NUP98: variants seen among roughly 807,000 people sequenced by gnomAD.
The protein encoded by NUP98 is nuclear pore complex protein Nup98-Nup96.
A neutral mutation model predicts 191.9 loss-of-function variants in NUP98; 26 were observed. The observed-to-expected ratio is 0.14, with a 90% CI of 0.10 to 0.19. The LOEUF is 0.19. NUP98 is among the 10% of genes least tolerant of loss of function. The probability of loss-of-function intolerance (pLI) is 1.00; values close to 1 mark genes in which losing one functional copy is unlikely to be tolerated. For missense variants in NUP98, 1,941 were observed against 2,178.8 expected, an observed-to-expected ratio of 0.89 and a Z score of 2.17; for synonymous variants, 808 against 778.4, an observed-to-expected ratio of 1.04 and a Z score of -0.63.
intron 8 of NUP98, among the ~76,000 whole-genome samples, chr11:3,763,369 G>A (rs1230692261): frequency 6.6e-6 from 1 of 152,106 alleles, no homozygotes; most frequent in East Asian, 1.9e-4. Context: ...TTTAACTCTT[G>A]TGCTCTAAGA....
intron 8 of NUP98, 48 bp from the exon 9 acceptor site, chr11:3,763,087 G>C: frequency 2.6e-6 from 4 of 1,539,818 alleles, no homozygotes; most frequent in Non-Finnish European, 3.5e-6. Context: ...AATAGTTTCC[G>C]TAACGAATCT....
At chr11:3,785,299 TAGC>T (rs1341861979) in intron 1 of NUP98, among the ~76,000 whole-genome samples, 1 of 152,138 alleles carries the variant, frequency 6.6e-6, no homozygotes, top group East Asian at 1.9e-4. Flanking sequence ...TGAAGCTTAG[TAGC>T]AATTCCCTCT....
chr11:3,727,758 G>A (rs895764642), intron 14 of NUP98, among the ~76,000 whole-genome samples: 2 of 152,044 alleles, frequency 1.3e-5, no homozygotes, highest in Admixed American at 6.6e-5. Flanking sequence ...GGACAATGGC[G>A]TGCACTTATA....
At chr11:3,689,940 A>AATTTTTT (rs2078255887) in intron 28 of NUP98, among the ~76,000 whole-genome samples, 1 of 73,574 alleles carries the variant, frequency 1.4e-5, no homozygotes, top group Non-Finnish European at 2.6e-5. Context: ...GCTGGCCTGC[A>AATTTTTT]TTTTTTTTTT....
chr11:3,737,235 T>G lies in NUP98; in HGVS notation c.1409-1911A>C, dbSNP rs535492909. On this transcript the variant is annotated intron_variant, in intron 12 of 32. Coordinates refer to ENST00000324932, the MANE Select transcript of NUP98 (RefSeq NM_016320.5). ...AAGTTACTGCCAAAATATAATACAATAATCCACAGTAAAGGAGTGACATAA... is the reference window on the plus strand; with the variant it reads ...AAGTTACTGCCAAAATATAATACAAGAATCCACAGTAAAGGAGTGACATAA... Among the ~76,000 whole-genome samples, 447 of 146,632 alleles carry G rather than the reference T, an allele frequency of 3.0e-3. 1 individual carries two copies. The highest frequency in any genetic ancestry group is 5.5e-3 in the Non-Finnish European group (371 of 67,006).
chr11:3,716,364 T>A (rs570666433), intron 18 of NUP98, among the ~76,000 whole-genome samples: 1 of 152,188 alleles, frequency 6.6e-6, no homozygotes, highest in African/African-American at 2.4e-5. Context: ...GTTTTTTTTA[T>A]GTGTGCTCCA....
At position 3,679,701 on chromosome 11, in the gene NUP98, G is replaced by A; in HGVS notation, c.4926C>T (p.Ile1642=). ...LIIRHLASDA[I]INENYDYLKG... is the part of the protein sequence containing the mutation. ...TCAGGTAGTCATAGTTCTCATTAATGATGGCATCTGAAGAAACAAAGTATT... is the reference window on the plus strand; with the variant it reads ...TCAGGTAGTCATAGTTCTCATTAATAATGGCATCTGAAGAAACAAAGTATT... The change falls in exon 31 of 33, where the codon ATC becomes ATT. Residue 1642 remains isoleucine, a synonymous_variant. Coordinates refer to ENST00000324932, the MANE Select transcript of NUP98 (RefSeq NM_016320.5). 1 of 1,613,556 alleles carries A rather than the reference G, an allele frequency of 6.2e-7. No homozygotes were observed. Among genetic ancestry groups the A allele is most frequent in the South Asian group, 1.1e-5 (1 of 90,996 alleles).
Position 3,675,815 on chromosome 11 carries a change from T to C in NUP98, c.*344A>G, listed in dbSNP as rs1324351624. ...GTAGGAGTAGGGAAGCTGGTTGGCA[T>C]GGAGGGTCACAAGATCCAGAATGGC... On this transcript the variant is annotated 3_prime_UTR_variant, in exon 33 of 33. Transcript: ENST00000324932. 4 of 397,626 alleles carry C rather than the reference T, an allele frequency of 1.0e-5. No individual in the cohort carries two copies. The highest frequency in any genetic ancestry group is 4.3e-5 in the East Asian group (1 of 23,048). 24.6% of individuals were successfully genotyped at this position (397,626 alleles called of 1,614,324 possible). A position where few individuals can be genotyped will look rare whatever the true frequency, so the allele number is the denominator to read the frequency against.
At chr11:3,687,606 A>G (rs1048659060) in intron 28 of NUP98, among the ~76,000 whole-genome samples, 1 of 152,240 alleles carries the variant, frequency 6.6e-6, no homozygotes, top group African/African-American at 2.4e-5. Context: ...GAAAAGGTCA[A>G]TATGATTGCT....
At chr11:3,709,851 T>A (rs1308165972) in intron 20 of NUP98, among the ~76,000 whole-genome samples, 2 of 142,914 alleles carry the variant, frequency 1.4e-5, no homozygotes, top group Non-Finnish European at 3.1e-5. Flanking sequence ...AGGGTATAGC[T>A]TTAGGAGATA....
chr11:3,788,790 A>T (rs180740196), intron 1 of NUP98, among the ~76,000 whole-genome samples: 189 of 151,768 alleles, frequency 1.2e-3, no homozygotes, highest in African/African-American at 3.8e-3. Flanking sequence ...CTACTAAAAA[A>T]TACATAATTA....
At chr11:3,735,351 AATATATAT>A in intron 12 of NUP98, 27 bp from the exon 13 acceptor site, 3 of 1,080,732 alleles carry the variant, frequency 2.8e-6, no homozygotes, top group Non-Finnish European at 3.7e-6. Context: ...AAGAAAACAA[AATATATAT>A]ATATATATAA....
intron 11 of NUP98, among the ~76,000 whole-genome samples, chr11:3,752,696 C>CT (rs2080809459): frequency 6.6e-6 from 1 of 152,012 alleles, no homozygotes; most frequent in Admixed American, 6.6e-5. Flanking sequence ...AGGCAAAACT[C>CT]TATGTTTAAC....
intron 1 of NUP98, among the ~76,000 whole-genome samples, chr11:3,788,130 G>C (rs750251485): frequency 1.3e-5 from 2 of 151,878 alleles, no homozygotes; most frequent in African/African-American, 2.4e-5. Flanking sequence ...TGCTGCTCTG[G>C]GTAAAAAAAA....
At chr11:3,715,366 C>G (rs2079146846) in intron 18 of NUP98, among the ~76,000 whole-genome samples, 1 of 152,008 alleles carries the variant, frequency 6.6e-6, no homozygotes, top group South Asian at 2.1e-4. Flanking sequence ...AGACTGGGCT[C>G]AAGCTATCCA....
chr11:3,735,878 A>G (rs1011178416), intron 12 of NUP98, among the ~76,000 whole-genome samples: 2 of 149,588 alleles, frequency 1.3e-5, no homozygotes, highest in South Asian at 2.1e-4. Context: ...TCCAAAGGAA[A>G]TAATATGACA....
At chr11:3,737,879 G>GA (rs977092205) in intron 12 of NUP98, among the ~76,000 whole-genome samples, 18 of 142,436 alleles carry the variant, frequency 1.3e-4, no homozygotes, top group Non-Finnish European at 2.0e-4. Flanking sequence ...ATAAAGAAAA[G>GA]TTTTTTTTTT....
chr11:3,763,129 C>T lies in NUP98; in HGVS notation c.949-90G>A, dbSNP rs2081229768. 5 of 1,252,878 alleles carry T rather than the reference C, an allele frequency of 4.0e-6. No homozygotes were observed. The African/African-American group carries it at 7.5e-5, about 19-fold the overall frequency. 77.6% of individuals were successfully genotyped at this position (1,252,878 alleles called of 1,614,324 possible). On this transcript the variant is annotated intron_variant, in intron 8 of 32. Coordinates refer to ENST00000324932, the MANE Select transcript of NUP98 (RefSeq NM_016320.5). ...AATAAAAAAAAAGTTACCATTTTTT[C>T]AAGCTTATATGACAGATATTAGGCT...
At chr11:3,725,710 G>A (rs905409369) in intron 14 of NUP98, among the ~76,000 whole-genome samples, 1 of 152,182 alleles carries the variant, frequency 6.6e-6, no homozygotes, top group African/African-American at 2.4e-5. Context: ...TTTGCCCAAA[G>A]AGAGAGAATT....
Sources: gnomAD v4.1 joint callset for allele counts (sites outside exome capture counted in the v4.1 genomes callset) on GRCh38, gnomAD v4.1.1 for gene constraint, MANE v1.5 for transcripts, NCBI Gene and HGNC (gene_info 2026-07-23, HGNC 2026-07-21) for gene names.